The following LAMA2 variants were observed in gnomAD, a reference collection of about 807,000 sequenced individuals.
LAMA2 encodes laminin subunit alpha-2.
Under a neutral mutation model 364.8 loss-of-function variants are expected in LAMA2, and 269 were observed. That is an observed-to-expected ratio of 0.74 (90% confidence interval 0.67 to 0.82). The LOEUF is 0.82. LAMA2 is among the 40% of genes least tolerant of loss of function. The pLI, the probability that LAMA2 is intolerant of heterozygous loss-of-function variation, is 0.00. For synonymous variants in LAMA2, 1,379 were observed against 1,370.6 expected, an observed-to-expected ratio of 1.01 and a Z score of -0.14; for missense variants, 3,807 against 3,873.2, an observed-to-expected ratio of 0.98 and a Z score of 0.45.
At chr6:129,305,661 G>A (rs1318930195) in intron 22 of LAMA2, among the ~76,000 whole-genome samples, 1 of 152,138 alleles carries the variant, frequency 6.6e-6, no homozygotes, top group East Asian at 1.9e-4. Context: ...GTGTGTGTGT[G>A]TAAATAACAT....
At chr6:128,996,871 C>T (rs541529792) in intron 1 of LAMA2, among the ~76,000 whole-genome samples, 1 of 152,272 alleles carries the variant, frequency 6.6e-6, no homozygotes, top group Admixed American at 6.5e-5. Flanking sequence ...GACTTGGAAC[C>T]AACCCAAATG....
At chr6:129,129,545 A>G (rs748107777) in intron 4 of LAMA2, among the ~76,000 whole-genome samples, 3 of 152,220 alleles carry the variant, frequency 2.0e-5, no homozygotes, top group Non-Finnish European at 4.4e-5. Context: ...AAGTAGGGAT[A>G]TATAAGTATA....
In LAMA2 at chr6:129,157,960, T is replaced by C. The variant is rs1583156093; in HGVS notation, c.1206+3277T>C. On this transcript the variant is annotated intron_variant, in intron 8 of 64. Coordinates refer to ENST00000421865, the MANE Select transcript of LAMA2 (RefSeq NM_000426.4). The stretch of plus-strand genomic sequence containing the variant: ...ACATCAACTTCATTTGTGTCACTGT[T>C]GAATTTAACAGCAAGGCCCAGGTCA... 2.5e-6 allele frequency: 4 copies of C among 1,613,924 alleles called. No individual in the cohort carries two copies. The African/African-American group carries it at 5.3e-5, about 22-fold the overall frequency.
intron 1 of LAMA2, among the ~76,000 whole-genome samples, chr6:128,989,538 A>C (rs1227733173): frequency 6.6e-6 from 1 of 152,210 alleles, no homozygotes; most frequent in Admixed American, 6.5e-5. Flanking sequence ...CCATCTATTA[A>C]GTGGAGATCA....
chr6:128,897,089 G>T (rs919339123), intron 1 of LAMA2, among the ~76,000 whole-genome samples: 1 of 152,186 alleles, frequency 6.6e-6, no homozygotes, highest in Admixed American at 6.5e-5. Context: ...AACTGGTAGA[G>T]ACCAAGATTT....
chr6:129,192,423 C>T (rs1247699119), intron 11 of LAMA2, among the ~76,000 whole-genome samples: 3 of 151,618 alleles, frequency 2.0e-5, no homozygotes, highest in Non-Finnish European at 4.4e-5. Context: ...AGCATAGGTT[C>T]AATGAAAACA....
intron 1 of LAMA2, among the ~76,000 whole-genome samples, chr6:129,045,538 G>A (rs543204411): frequency 3.9e-5 from 6 of 152,206 alleles, no homozygotes; most frequent in South Asian, 2.1e-4. Context: ...TTTTTATAAA[G>A]TGGAAAGAAT....
intron 9 of LAMA2, among the ~76,000 whole-genome samples, chr6:129,175,735 A>C (rs996846727): frequency 6.6e-6 from 1 of 152,126 alleles, no homozygotes; most frequent in African/African-American, 2.4e-5. Context: ...AGAAATACCT[A>C]ATGTAGATGA....
At chr6:129,165,471 C>T in intron 8 of LAMA2, 105 bp from the exon 9 acceptor site, 2 of 675,492 alleles carry the variant, frequency 3.0e-6, no homozygotes, top group Admixed American at 2.4e-5. Flanking sequence ...CAATAATTTG[C>T]TGCTCTGTAT....
chr6:129,052,405 C>T (rs2114780159), intron 2 of LAMA2, among the ~76,000 whole-genome samples: 1 of 151,820 alleles, frequency 6.6e-6, no homozygotes, highest in South Asian at 2.1e-4. Context: ...GCCTCGGCCT[C>T]CCAAAGTGCT....
chr6:129,165,057 A>G (rs1408095676), intron 8 of LAMA2, among the ~76,000 whole-genome samples: 1 of 152,202 alleles, frequency 6.6e-6, no homozygotes, highest in African/African-American at 2.4e-5. Flanking sequence ...TCAGTGAGGT[A>G]TATAAATAAG....
chr6:129,398,476 T>C (rs989073592), intron 37 of LAMA2, among the ~76,000 whole-genome samples: 4 of 144,862 alleles, frequency 2.8e-5, no homozygotes, highest in African/African-American at 5.1e-5. Flanking sequence ...TCTTTTCTTT[T>C]TTTTTTTTTT....
Position 129,391,665 on chromosome 6 carries a change from A to C in LAMA2, c.5234+12A>C. On this transcript the variant is annotated intron_variant, in intron 36 of 64. Coordinates refer to ENST00000421865, the MANE Select transcript of LAMA2 (RefSeq NM_000426.4). The stretch of plus-strand genomic sequence containing the variant: ...GAAGATGAGTTGGTGTGAGTAGATG[A>C]GTTATTATTTTTTCTTTTGACAAAC... 6.2e-7 allele frequency: 1 copy of C among 1,608,890 alleles called. No individual in the cohort carries two copies. The highest frequency in any genetic ancestry group is 1.3e-5 in the African/African-American group (1 of 74,928).
At chr6:129,358,452 C>T (rs1777278379) in intron 32 of LAMA2, among the ~76,000 whole-genome samples, 1 of 151,940 alleles carries the variant, frequency 6.6e-6, no homozygotes, top group Non-Finnish European at 1.5e-5. Flanking sequence ...TCTGGCAAGG[C>T]TCAGGAGGTT....
intron 41 of LAMA2, 149 bp downstream of exon 41, chr6:129,428,003 A>G: frequency 3.0e-6 from 2 of 668,148 alleles, no homozygotes; most frequent in Non-Finnish European, 5.3e-6. Context: ...CTTTCTCACT[A>G]GTTTTACAAA....
At position 129,460,540 on chromosome 6, in the gene LAMA2, A is replaced by C. The variant is rs531962925; in HGVS notation, c.6992+216A>C. On this transcript the variant is annotated intron_variant, in intron 49 of 64. Coordinates refer to ENST00000421865, the MANE Select transcript of LAMA2 (RefSeq NM_000426.4). ...GCCCTGGGAGGTATACTAGCAGTAC[A>C]TTTGCATAGTCATATGTTTTTATAA... Among the ~76,000 whole-genome samples the C allele has an allele frequency of 2.6e-5, 4 of 152,182 alleles. 1 individual carries two copies. The South Asian group carries it at 8.3e-4, about 32-fold the overall frequency.
chr6:129,241,084 A>G (rs1226696066), intron 12 of LAMA2, among the ~76,000 whole-genome samples: 2 of 152,218 alleles, frequency 1.3e-5, no homozygotes, highest in Non-Finnish European at 2.9e-5. Context: ...AGAACAGAGA[A>G]ACCAATAAAG....
intron 9 of LAMA2, among the ~76,000 whole-genome samples, chr6:129,167,197 C>T (rs983620692): frequency 2.1e-4 from 32 of 151,880 alleles, no homozygotes; most frequent in Non-Finnish European, 3.5e-4. Flanking sequence ...TTTTAGGGTA[C>T]ATGTGCACAA....
chr6:128,912,113 A>G (rs1778007443), intron 1 of LAMA2, among the ~76,000 whole-genome samples: 1 of 152,194 alleles, frequency 6.6e-6, no homozygotes, highest in African/African-American at 2.4e-5. Flanking sequence ...AGTCATGTAC[A>G]AGCTTTTTTA....
Sources: allele counts gnomAD v4.1 joint callset (sites outside exome capture counted in the v4.1 genomes callset), GRCh38; gene constraint gnomAD v4.1.1; transcripts MANE v1.5; gene names NCBI Gene and HGNC (gene_info 2026-07-23, HGNC 2026-07-21).